Variants in PDE8A observed in about 807,000 individuals in gnomAD.
The protein encoded by PDE8A is phosphodiesterase 8A.
PDE8A carries 59 observed loss-of-function variants against 105.0 expected under a neutral mutation model. That is an observed-to-expected ratio of 0.56 (90% CI 0.46 to 0.70). PDE8A has a LOEUF of 0.70. Ranked by LOEUF, PDE8A falls within the 30% of genes least tolerant of loss-of-function variation. The pLI is 0.00. For missense variants in PDE8A, 1,014 were observed against 1,045.9 expected (o/e 0.97, Z 0.42); for synonymous variants, 355 against 371.9 (o/e 0.95, Z 0.52).
intron 1 of PDE8A, among the ~76,000 whole-genome samples, chr15:85,046,326 G>A (rs1416152720): frequency 1.3e-5 from 2 of 152,150 alleles, no homozygotes; most frequent in African/African-American, 4.8e-5. Flanking sequence ...TGGGATTACA[G>A]GCGTGAGGCA....
chr15:85,083,685 G>C (rs2081503713), intron 6 of PDE8A, 41 bp downstream of exon 6: 1 of 1,241,848 alleles, frequency 8.1e-7, no homozygotes, highest in South Asian at 1.2e-5. Context: ...GGCCATACAG[G>C]GCAGCATGGC....
chr15:85,053,284 G>C (rs2081005653), intron 1 of PDE8A, among the ~76,000 whole-genome samples: 1 of 152,202 alleles, frequency 6.6e-6, no homozygotes, highest in African/African-American at 2.4e-5. Flanking sequence ...TTTTGGCTTA[G>C]GATTGTCTTG....
At chr15:84,986,139 A>C (rs1274965167) in intron 1 of PDE8A, among the ~76,000 whole-genome samples, 1 of 152,158 alleles carries the variant, frequency 6.6e-6, no homozygotes, top group Non-Finnish European at 1.5e-5. Context: ...AGGTGGGAGG[A>C]TCACCTGAGG....
rs370281755 is a variant in PDE8A at position 85,120,876 on chromosome 15, A to T, written c.1814A>T (p.Asn605Ile). ...GATGTGGATCACCCTGGGAGAACCAACTCCTTCCTGTGTAATGCTGGAAGT... is the reference window on the plus strand; with the variant it reads ...GATGTGGATCACCCTGGGAGAACCATCTCCTTCCTGTGTAATGCTGGAAGT... ...IHDVDHPGRT[N>I]SFLCNAGSEL... Residue 605 changes from asparagine to isoleucine, a missense_variant, in exon 18 of 22, where the codon AAC (asparagine) becomes ATC (isoleucine). Asn to Ile is a moderately radical substitution (Grantham distance 149). Coordinates refer to ENST00000394553, the MANE Select transcript of PDE8A (RefSeq NM_002605.3). The T allele has an allele frequency of 6.2e-7, 1 of 1,613,696 alleles. No individual in the cohort carries two copies. Among genetic ancestry groups the T allele is most frequent in the Non-Finnish European group, 8.5e-7 (1 of 1,179,736 alleles).
intron 20 of PDE8A, among the ~76,000 whole-genome samples, chr15:85,135,036 C>G (rs2082386323): frequency 6.6e-6 from 1 of 152,146 alleles, no homozygotes; most frequent in Non-Finnish European, 1.5e-5. Flanking sequence ...AACTTTCTGA[C>G]CTGGCATCCC....
intron 19 of PDE8A, 144 bp downstream of exon 19, chr15:85,123,337 T>TACAC (rs58421452): frequency 0.026 from 8,693 of 329,260 alleles, 247 homozygotes; most frequent in Non-Finnish European, 0.03. Context: ...ACTAATGGGA[T>TACAC]ACACACACAC....
intron 1 of PDE8A, among the ~76,000 whole-genome samples, chr15:85,040,370 TAAAAAAAAAAA>T (rs35955528): frequency 9.6e-6 from 1 of 103,724 alleles, no homozygotes; most frequent in Admixed American, 1.1e-4. Flanking sequence ...ACCTCTTCTC[TAAAAAAAAAAA>T]AAAAAAAAAG....
chr15:85,078,860 GAGAA>G (rs1249028063), intron 5 of PDE8A, among the ~76,000 whole-genome samples: 1 of 152,180 alleles, frequency 6.6e-6, no homozygotes, highest in African/African-American at 2.4e-5. Context: ...AGGATACAGG[GAGAA>G]AGAGACTACA....
At chr15:85,043,165 TGAGA>T (rs1402186815) in intron 1 of PDE8A, among the ~76,000 whole-genome samples, 2 of 152,226 alleles carry the variant, frequency 1.3e-5, no homozygotes, top group Middle Eastern at 3.2e-3. Context: ...TAGATTCATC[TGAGA>T]GAGAGGCATG....
intron 1 of PDE8A, among the ~76,000 whole-genome samples, chr15:85,061,652 C>T (rs1287686454): frequency 6.6e-6 from 1 of 152,082 alleles, no homozygotes; most frequent in Non-Finnish European, 1.5e-5. Flanking sequence ...TCTTTATGTC[C>T]TACATCAAGT....
At chr15:85,088,897 A>C (rs2081595652) in intron 6 of PDE8A, among the ~76,000 whole-genome samples, 1 of 152,250 alleles carries the variant, frequency 6.6e-6, no homozygotes, top group Non-Finnish European at 1.5e-5. Flanking sequence ...CAATTTTGTG[A>C]AAATAATTTG....
At chr15:85,083,228 C>T (rs2081495454) in intron 5 of PDE8A, among the ~76,000 whole-genome samples, 1 of 152,188 alleles carries the variant, frequency 6.6e-6, no homozygotes, top group Admixed American at 6.5e-5. Context: ...TGAATTTCCT[C>T]CTCCACATGT....
intron 8 of PDE8A, among the ~76,000 whole-genome samples, chr15:85,092,056 A>G (rs938575124): frequency 1.3e-5 from 2 of 152,162 alleles, no homozygotes; most frequent in African/African-American, 4.8e-5. Context: ...GCTAGTTCCT[A>G]TCTTGTAGCA....
chr15:85,055,949 G>A (rs1471056512), intron 1 of PDE8A, among the ~76,000 whole-genome samples: 3 of 152,164 alleles, frequency 2.0e-5, no homozygotes, highest in African/African-American at 7.2e-5. Flanking sequence ...GCTGGTACTG[G>A]TTGTTCCTTT....
intron 19 of PDE8A, 21 bp from the exon 20 acceptor site, chr15:85,126,186 T>G (rs567882363): frequency 6.3e-7 from 1 of 1,593,064 alleles, no homozygotes; most frequent in South Asian, 1.1e-5. Flanking sequence ...TTGATTGCTT[T>G]GAATTCCACT....
chr15:85,091,221 CAG>C (rs755915996), intron 8 of PDE8A, 40 bp downstream of exon 8: 23 of 1,543,812 alleles, frequency 1.5e-5, no homozygotes, highest in South Asian at 1.2e-4. Context: ...TTTCACAACA[CAG>C]AGAGAAGGAA....
chr15:85,119,456 A>C (rs2082145257), intron 17 of PDE8A, among the ~76,000 whole-genome samples: 1 of 137,442 alleles, frequency 7.3e-6, no homozygotes, highest in African/African-American at 2.5e-5. Context: ...TGACAGAGCA[A>C]GACTCTCGTC....
chr15:85,071,175 C>T (rs1276455261), intron 3 of PDE8A, among the ~76,000 whole-genome samples: 1 of 152,188 alleles, frequency 6.6e-6, no homozygotes, highest in East Asian at 1.9e-4. Context: ...GCCTCAAGCA[C>T]TTCAGTCTTT....
chr15:85,033,605 T>A (rs2080652840), intron 1 of PDE8A, among the ~76,000 whole-genome samples: 1 of 151,994 alleles, frequency 6.6e-6, no homozygotes, highest in African/African-American at 2.4e-5. Context: ...TGGCTCACAC[T>A]TGTAATCCCA....
Sources: gnomAD v4.1 joint callset for allele counts (sites outside exome capture counted in the v4.1 genomes callset) on GRCh38, gnomAD v4.1.1 for gene constraint, MANE v1.5 for transcripts, NCBI Gene and HGNC (gene_info 2026-07-23, HGNC 2026-07-21) for gene names.